The following PEAK1 variants were observed in gnomAD, a reference collection of about 807,000 sequenced individuals.
PEAK1 encodes the protein inactive tyrosine-protein kinase PEAK1.
Under a neutral mutation model 124.7 loss-of-function variants are expected in PEAK1, and 54 were observed. That is an observed-to-expected ratio of 0.43 (90% CI 0.35 to 0.54). The LOEUF (loss-of-function observed/expected upper bound fraction) is 0.54, where lower values mean the gene tolerates loss of function less well. PEAK1 is among the 20% of genes least tolerant of loss of function. The pLI is 0.01. For missense variants in PEAK1, 2,046 were observed against 2,134.5 expected, an observed-to-expected ratio of 0.96 and a Z score of 0.82; for synonymous variants, 719 against 760.0, an observed-to-expected ratio of 0.95 and a Z score of 0.89.
At chr15:77,245,754 G>A (rs902748412) in intron 6 of PEAK1, among the ~76,000 whole-genome samples, 9 of 151,978 alleles carry the variant, frequency 5.9e-5, no homozygotes, top group Non-Finnish European at 1.3e-4. Flanking sequence ...GATTACCTCT[G>A]CATCTTTGTT....
rs559391746 is a variant in PEAK1, at chr15:77,362,690, C to T, written c.-603+2473G>A. On this transcript the variant is annotated intron_variant, in intron 2 of 9. Transcript: ENST00000682557. ...TCCAAGAGACATGAAACCCTATGTCCACACAAAAACTTATACACAAATAAG... is the reference window on the plus strand; with the variant it reads ...TCCAAGAGACATGAAACCCTATGTCTACACAAAAACTTATACACAAATAAG... Among the ~76,000 whole-genome samples, 38 of 152,138 alleles carry T rather than the reference C, an allele frequency of 2.5e-4. 1 individual carries two copies. Among genetic ancestry groups the T allele is most frequent in the African/African-American group, 7.7e-4 (32 of 41,498 alleles).
At position 77,254,267 on chromosome 15, in the gene PEAK1, A is replaced by T. The variant is rs1485093958; in HGVS notation, c.-274-1741T>A. 3.1e-4 allele frequency among the ~76,000 whole-genome samples: 47 copies of T among 152,114 alleles called. 1 individual carries two copies. The highest frequency in any genetic ancestry group is 2.9e-5 in the Non-Finnish European group (2 of 68,032). On this transcript the variant is annotated intron_variant, in intron 5 of 9. Transcript: ENST00000682557. The stretch of plus-strand genomic sequence containing the variant: ...TTTAGCACTTATTTCTTAAAAAAAA[A>T]TTGTTCTATCCCATATTCTCCCTTC...
chr15:77,350,461 T>C (rs946389304), intron 2 of PEAK1: 39 of 985,160 alleles, frequency 4.0e-5, no homozygotes, highest in Non-Finnish European at 4.6e-5. Context: ...AGATAGTGTA[T>C]ATATCTTAAG....
chr15:77,380,782 A>G (rs1275009809), intron 1 of PEAK1, among the ~76,000 whole-genome samples: 1 of 152,144 alleles, frequency 6.6e-6, no homozygotes, highest in Non-Finnish European at 1.5e-5. Flanking sequence ...ACTGGCCAAA[A>G]ATCAGTTATT....
chr15:77,275,425 G>T (rs1307101500), intron 5 of PEAK1, among the ~76,000 whole-genome samples: 1 of 152,114 alleles, frequency 6.6e-6, no homozygotes, highest in Non-Finnish European at 1.5e-5. Flanking sequence ...CAGATTTTAA[G>T]AAACAAATGA....
chr15:77,219,613 C>T (rs541305727), intron 6 of PEAK1, among the ~76,000 whole-genome samples: 1 of 152,172 alleles, frequency 6.6e-6, no homozygotes, highest in East Asian at 1.9e-4. Context: ...GCCATAATTG[C>T]AAGCCTAATT....
chr15:77,386,410 T>C (rs1487010864), intron 1 of PEAK1, among the ~76,000 whole-genome samples: 1 of 152,226 alleles, frequency 6.6e-6, no homozygotes, highest in African/African-American at 2.4e-5. Flanking sequence ...TCCTGCTTTG[T>C]TGTTAAAATG....
intron 8 of PEAK1, among the ~76,000 whole-genome samples, chr15:77,148,252 G>C (rs1275665337): frequency 6.6e-6 from 1 of 152,216 alleles, no homozygotes; most frequent in East Asian, 1.9e-4. Context: ...ACTCACGGGA[G>C]ATTCTGAAGG....
intron 6 of PEAK1, among the ~76,000 whole-genome samples, chr15:77,249,383 T>C (rs1055725160): frequency 6.6e-6 from 1 of 152,230 alleles, no homozygotes; most frequent in African/African-American, 2.4e-5. Context: ...TAGCATTACA[T>C]AGCTAGAATG....
Position 77,108,486 on chromosome 15 carries a change from A to T in PEAK1, c.*5670T>A, listed in dbSNP as rs1260711200. The T allele has an allele frequency of 6.6e-6, 1 of 152,220 alleles. No homozygotes were observed. Among genetic ancestry groups the T allele is most frequent in the Non-Finnish European group, 1.5e-5 (1 of 68,028 alleles). The allele number at this position is 152,220 out of a possible 1,614,324, so 9.4% of individuals were successfully genotyped here. ...CCAAAATGCCCTGCATATCCTCAAC[A>T]GAAAATCCCAACCCAGTGTGTTCAT... is the stretch of plus-strand genomic sequence containing the variant. On this transcript the variant is annotated 3_prime_UTR_variant, in exon 10 of 10. Transcript: ENST00000682557.
At chr15:77,279,104 C>CGTGTGTGTGT (rs34561338) in intron 5 of PEAK1, among the ~76,000 whole-genome samples, 41 of 115,128 alleles carry the variant, frequency 3.6e-4, no homozygotes, top group African/African-American at 1.1e-3. Flanking sequence ...CTCGTGTGTG[C>CGTGTGTGTGT]GTGTGTGTGT....
intron 1 of PEAK1, among the ~76,000 whole-genome samples, chr15:77,378,762 T>C (rs1402734950): frequency 6.6e-6 from 1 of 152,198 alleles, no homozygotes; most frequent in African/African-American, 2.4e-5. Flanking sequence ...GAAGTGTTAT[T>C]AAATAATCCT....
intron 5 of PEAK1, among the ~76,000 whole-genome samples, chr15:77,253,759 C>T (rs951730886): frequency 6.6e-6 from 1 of 152,036 alleles, no homozygotes; most frequent in African/African-American, 2.4e-5. Context: ...AATATTATTG[C>T]TATCCTGTAT....
intron 8 of PEAK1, among the ~76,000 whole-genome samples, chr15:77,145,383 A>C (rs1173366583): frequency 6.6e-6 from 1 of 151,802 alleles, no homozygotes; most frequent in Non-Finnish European, 1.5e-5. Flanking sequence ...TGGGAAGTGG[A>C]GGTTGCAGTG....
chr15:77,365,309 C>T, intron 1 of PEAK1, 84 bp from the exon 2 acceptor site: 1 of 465,948 alleles, frequency 2.1e-6, no homozygotes, highest in Non-Finnish European at 2.8e-6. Flanking sequence ...CAATAGAACC[C>T]TAACTTGATC....
chr15:77,407,129 T>C (rs2071891660), intron 1 of PEAK1, among the ~76,000 whole-genome samples: 1 of 152,114 alleles, frequency 6.6e-6, no homozygotes, highest in African/African-American at 2.4e-5. Flanking sequence ...TCCAGATGAA[T>C]CAAAGATGTA....
chr15:77,178,894 C>G lies in PEAK1; in HGVS notation c.3033G>C (p.Gln1011His), dbSNP rs770024528. ...SVDQSKARTD[Q>H]AAVMEKGRAE... ...CTCTACCCTTCTCCATGACTGCTGC[C>G]TGGTCTGTCCTAGCCTTGCTCTGAT... The change falls in exon 7 of 10, where the codon CAG becomes CAC. Residue 1011 changes from glutamine to histidine, a missense_variant. By Grantham distance (24) the Gln-to-His change is conservative (BLOSUM62 0). Transcript: ENST00000682557. 1.2e-6 allele frequency: 2 copies of G among 1,613,948 alleles called. No individual in the cohort carries two copies. The highest frequency in any genetic ancestry group is 1.7e-6 in the Non-Finnish European group (2 of 1,180,006).
chr15:77,165,439 C>T (rs926430355), intron 7 of PEAK1, among the ~76,000 whole-genome samples: 10 of 152,228 alleles, frequency 6.6e-5, no homozygotes, highest in South Asian at 2.1e-4. Flanking sequence ...TCAGGTAATC[C>T]GCCTGCCTCA....
intron 1 of PEAK1, among the ~76,000 whole-genome samples, chr15:77,368,329 A>G (rs894314030): frequency 1.3e-5 from 2 of 152,158 alleles, no homozygotes; most frequent in African/African-American, 4.8e-5. Flanking sequence ...CAGCCTGGCC[A>G]ACATTATGAA....
Sources: gnomAD v4.1 joint callset for allele counts (sites outside exome capture counted in the v4.1 genomes callset) on GRCh38, gnomAD v4.1.1 for gene constraint, MANE v1.5 for transcripts, NCBI Gene and HGNC (gene_info 2026-07-23, HGNC 2026-07-21) for gene names.